Variants in ADGRB3 observed in about 807,000 individuals in gnomAD.
The protein encoded by ADGRB3 is adhesion G protein-coupled receptor B3.
A neutral mutation model predicts 193.4 loss-of-function variants in ADGRB3; 37 were observed. That is an observed-to-expected ratio of 0.19 (90% confidence interval 0.15 to 0.25). The LOEUF (loss-of-function observed/expected upper bound fraction) is 0.25. Ranked by LOEUF, ADGRB3 falls within the 10% of genes least tolerant of loss-of-function variation. The pLI, the probability that ADGRB3 is intolerant of heterozygous loss-of-function variation, is 1.00. For synonymous variants in ADGRB3, 690 were observed against 644.2 expected (o/e 1.07, Z -1.08); for missense variants, 1,637 against 1,852.9 (o/e 0.88, Z 2.14).
At chr6:69,332,055 A>G (rs561570867) in intron 23 of ADGRB3, 225 of 985,406 alleles carry the variant, frequency 2.3e-4, no homozygotes, top group Admixed American at 1.2e-3. Flanking sequence ...CAAGATTGGA[A>G]AGAGGCCAGA....
intron 10 of ADGRB3, among the ~76,000 whole-genome samples, chr6:68,985,702 G>A (rs6899467): frequency 0.57 from 86,869 of 151,950 alleles, 25,194 homozygotes; most frequent in East Asian, 0.69. Context: ...TTGCATATGC[G>A]GTGTGATAAA....
At chr6:69,014,015 C>CT (rs1554243182) in intron 11 of ADGRB3, 23 bp from the exon 12 acceptor site, 1 of 1,451,820 alleles carries the variant, frequency 6.9e-7, no homozygotes, top group African/African-American at 1.4e-5. Flanking sequence ...AATATTAAAT[C>CT]TTTTATCTAA....
intron 13 of ADGRB3, among the ~76,000 whole-genome samples, chr6:69,040,719 A>AATT (rs1771041013): frequency 2.2e-5 from 3 of 134,454 alleles, no homozygotes; most frequent in African/African-American, 8.1e-5. Context: ...ACAAACAAGA[A>AATT]TTTGAAGTTG....
chr6:69,046,107 C>G (rs1021684070), intron 13 of ADGRB3, among the ~76,000 whole-genome samples: 3 of 152,054 alleles, frequency 2.0e-5, no homozygotes, highest in Non-Finnish European at 2.9e-5. Context: ...ACTGGTTATG[C>G]CTTTCTGTTT....
intron 3 of ADGRB3, among the ~76,000 whole-genome samples, chr6:68,912,009 A>G (rs1766726820): frequency 6.6e-6 from 1 of 152,024 alleles, no homozygotes; most frequent in Admixed American, 6.5e-5. Flanking sequence ...GCACTGTTAC[A>G]CAGAAAAATA....
At chr6:69,242,608 G>T (rs890413204) in intron 20 of ADGRB3, among the ~76,000 whole-genome samples, 1 of 151,914 alleles carries the variant, frequency 6.6e-6, no homozygotes, top group African/African-American at 2.4e-5. Context: ...GAATTGAAAT[G>T]TAAACAAGCT....
intron 3 of ADGRB3, among the ~76,000 whole-genome samples, chr6:68,712,452 T>G (rs1161853858): frequency 6.6e-6 from 1 of 152,036 alleles, no homozygotes; most frequent in Non-Finnish European, 1.5e-5. Flanking sequence ...ATTGCTACCT[T>G]GTCAAAATCA....
intron 17 of ADGRB3, among the ~76,000 whole-genome samples, chr6:69,086,898 T>A (rs1772565964): frequency 6.6e-6 from 1 of 152,080 alleles, no homozygotes; most frequent in South Asian, 2.1e-4. Flanking sequence ...ATTTTTAACC[T>A]TTTCACGCCA....
intron 3 of ADGRB3, among the ~76,000 whole-genome samples, chr6:68,657,836 A>G (rs2127285132): frequency 6.6e-6 from 1 of 151,520 alleles, no homozygotes; most frequent in Non-Finnish European, 1.5e-5. Context: ...ATTTTGATTA[A>G]TTATGTATTT....
intron 13 of ADGRB3, among the ~76,000 whole-genome samples, chr6:69,047,560 T>A (rs1440196366): frequency 6.6e-6 from 1 of 151,770 alleles, no homozygotes; most frequent in Non-Finnish European, 1.5e-5. Flanking sequence ...TAGAGAGAAG[T>A]TTTAAGAATT....
chr6:68,686,650 A>G (rs941141891), intron 3 of ADGRB3, among the ~76,000 whole-genome samples: 2 of 152,180 alleles, frequency 1.3e-5, no homozygotes, highest in African/African-American at 4.8e-5. Flanking sequence ...AGCTGAACCA[A>G]CTGAGATATC....
intron 3 of ADGRB3, among the ~76,000 whole-genome samples, chr6:68,843,960 G>A (rs1449475522): frequency 6.6e-6 from 1 of 152,120 alleles, no homozygotes; most frequent in Non-Finnish European, 1.5e-5. Flanking sequence ...GGGAAAACTG[G>A]CTATCCATAG....
intron 3 of ADGRB3, among the ~76,000 whole-genome samples, chr6:68,880,247 C>G (rs548947936): frequency 6.6e-6 from 1 of 152,114 alleles, no homozygotes; most frequent in African/African-American, 2.4e-5. Flanking sequence ...TTACAGTCTG[C>G]CTCCATCTGC....
At chr6:69,104,377 T>C (rs960902661) in intron 17 of ADGRB3, among the ~76,000 whole-genome samples, 16 of 147,750 alleles carry the variant, frequency 1.1e-4, no homozygotes, top group African/African-American at 4.0e-4. Context: ...CATCGTTTTC[T>C]ATGGCTGCAT....
chr6:69,361,619 A>G, intron 29 of ADGRB3, 107 bp downstream of exon 29: 1 of 1,305,336 alleles, frequency 7.7e-7, no homozygotes, highest in Non-Finnish European at 1.0e-6. Context: ...TGGTGTGGGA[A>G]GAGAAGATTC....
chr6:69,366,226 CTT>C, intron 29 of ADGRB3, among the ~76,000 whole-genome samples: 1 of 151,908 alleles, frequency 6.6e-6, no homozygotes, highest in East Asian at 1.9e-4. Context: ...TTTTGTCTCT[CTT>C]GCAGGCGTAC....
intron 11 of ADGRB3, among the ~76,000 whole-genome samples, chr6:68,998,995 G>T (rs1769476813): frequency 6.6e-6 from 1 of 152,124 alleles, no homozygotes; most frequent in African/African-American, 2.4e-5. Context: ...TGTAAGAAAA[G>T]CTGCTGTGTG....
intron 20 of ADGRB3, among the ~76,000 whole-genome samples, chr6:69,322,929 A>G (rs1165547418): frequency 6.6e-6 from 1 of 151,998 alleles, no homozygotes; most frequent in Non-Finnish European, 1.5e-5. Context: ...CTGTGACCAT[A>G]TTATTGTACG....
At chr6:69,331,300 CCTTT>C (rs770926556) in intron 23 of ADGRB3, among the ~76,000 whole-genome samples, 13 of 152,122 alleles carry the variant, frequency 8.5e-5, no homozygotes, top group Non-Finnish European at 1.9e-4. Context: ...TTCCAATTTG[CCTTT>C]CTCTTTCTCC....
Sources: gnomAD v4.1 joint callset for allele counts (sites outside exome capture counted in the v4.1 genomes callset) on GRCh38, gnomAD v4.1.1 for gene constraint, MANE v1.5 for transcripts, NCBI Gene and HGNC (gene_info 2026-07-23, HGNC 2026-07-21) for gene names.